Variants in CCDC92B observed in about 807,000 individuals in gnomAD.
CCDC92B encodes coiled-coil domain containing 92B, also known as coiled-coil domain-containing 92B.
A neutral mutation model predicts 5.6 loss-of-function variants in CCDC92B; 2 were observed. That is an observed-to-expected ratio of 0.36 (90% confidence interval 0.15 to 1.12). CCDC92B has a LOEUF of 1.12. Ranked by LOEUF, CCDC92B falls within the 50% of genes most tolerant of loss-of-function variation. The pLI, the probability that CCDC92B is intolerant of heterozygous loss-of-function variation, is 0.40. For missense variants in CCDC92B, 271 were observed against 262.2 expected, an observed-to-expected ratio of 1.03 and a Z score of -0.23; for synonymous variants, 115 against 122.3, an observed-to-expected ratio of 0.94 and a Z score of 0.39.
intron 2 of CCDC92B, among the ~76,000 whole-genome samples, chr17:2,731,052 A>T (rs1248241112): frequency 6.6e-6 from 1 of 152,204 alleles, no homozygotes; most frequent in African/African-American, 2.4e-5. Flanking sequence ...CCTGAACATC[A>T]GCGCTGCCCC....
rs1374036927 is a variant in CCDC92B at position 2,724,401 on chromosome 17, A to C, written c.*10T>G. 2.0e-6 allele frequency: 2 copies of C among 984,194 alleles called. No homozygotes were observed. The highest frequency in any genetic ancestry group is 2.4e-6 in the Non-Finnish European group (2 of 829,690). The allele number at this position is 984,194 out of a possible 1,614,324, so 61.0% of individuals were successfully genotyped here. ...CCGTCCGTCCCGCGTCACCCCGGCC[A>C]GCCTGGCGCCTACTCCGGGTCCCCG... On this transcript the variant is annotated 3_prime_UTR_variant, in exon 4 of 4. Coordinates refer to ENST00000614400, the MANE Select transcript of CCDC92B (RefSeq NM_001355573.2). This position sits in a 1 kb window ranked among gnomAD's most constrained non-coding sequence, Gnocchi z 5.0.
In CCDC92B at chr17:2,724,358, G is replaced by GTCCCTGGCCGGCCC. The variant is rs1042778702; in HGVS notation, c.*39_*52dup. The GTCCCTGGCCGGCCC allele has an allele frequency of 4.1e-6, 4 of 985,030 alleles. No homozygotes were observed. The Admixed American group carries it at 1.8e-4, about 45-fold the overall frequency. 61.0% of individuals were successfully genotyped at this position (985,030 alleles called of 1,614,324 possible). A position where few individuals can be genotyped will look rare whatever the true frequency, so the allele number is the denominator to read the frequency against. ...GACCTGCCTGCGGGGACCGAGCTGCGTCCCTGGCCGGCCCTCCCCGTCCGT... is the reference window on the plus strand; with the variant it reads ...GACCTGCCTGCGGGGACCGAGCTGCGTCCCTGGCCGGCCCTCCCTGGCCGGCCCTCCCCGTCCGT... On this transcript the variant is annotated 3_prime_UTR_variant, in exon 4 of 4. Coordinates refer to ENST00000614400, the MANE Select transcript of CCDC92B (RefSeq NM_001355573.2). This position sits in a 1 kb window ranked among gnomAD's most constrained non-coding sequence, Gnocchi z 5.0.
intron 1 of CCDC92B, among the ~76,000 whole-genome samples, chr17:2,735,831 G>A (rs909167756): frequency 6.6e-6 from 1 of 152,108 alleles, no homozygotes; most frequent in Non-Finnish European, 1.5e-5. Context: ...TGCTCCTCCC[G>A]CCCTAGCAGT....
At chr17:2,746,543 C>T (rs1156972643) in intron 1 of CCDC92B, among the ~76,000 whole-genome samples, 1 of 152,104 alleles carries the variant, frequency 6.6e-6, no homozygotes, top group Non-Finnish European at 1.5e-5. Flanking sequence ...TTGGGACTCT[C>T]TGAGGTCCGG....
intron 1 of CCDC92B, among the ~76,000 whole-genome samples, chr17:2,744,341 T>TTTTTTA (rs1251010388): frequency 3.9e-5 from 6 of 151,934 alleles, no homozygotes; most frequent in Non-Finnish European, 5.9e-5. Flanking sequence ...GGCCTAAATT[T>TTTTTTA]TTTTTATTTT....
At chr17:2,734,948 C>T in intron 2 of CCDC92B, 68 bp downstream of exon 2, 1 of 971,878 alleles carries the variant, frequency 1.0e-6, no homozygotes, top group Non-Finnish European at 1.2e-6. Flanking sequence ...GGGCACAACC[C>T]AGAGACAGTG....
chr17:2,746,222 T>A (rs1346324339), intron 1 of CCDC92B, among the ~76,000 whole-genome samples: 2 of 152,168 alleles, frequency 1.3e-5, no homozygotes, highest in Non-Finnish European at 2.9e-5. Context: ...CCTCAAGTGA[T>A]CCATTTGCCT....
intron 1 of CCDC92B, among the ~76,000 whole-genome samples, chr17:2,744,463 A>C (rs533833151): frequency 6.6e-6 from 1 of 152,238 alleles, no homozygotes; most frequent in East Asian, 1.9e-4. Context: ...AAGTGCTGGG[A>C]TTACAGGCAT....
At chr17:2,729,494 C>CAAA (rs34350398) in intron 3 of CCDC92B, among the ~76,000 whole-genome samples, 2,802 of 113,070 alleles carry the variant, frequency 0.025, 132 homozygotes, top group African/African-American at 0.066. Context: ...GACTCCGTCT[C>CAAA]AAAAAAAAAA....
Position 2,724,695 on chromosome 17 carries a change from C to G in CCDC92B, c.484G>C (p.Ala162Pro). The G allele has an allele frequency of 1.0e-6, 1 of 981,220 alleles. No individual in the cohort carries two copies. Among genetic ancestry groups the G allele is most frequent in the Non-Finnish European group, 1.2e-6 (1 of 828,196 alleles). 60.8% of individuals were successfully genotyped at this position (981,220 alleles called of 1,614,324 possible). A position where few individuals can be genotyped will look rare whatever the true frequency, so the allele number is the denominator to read the frequency against. ...GCGCGGCGGCGTGGCCTGGGCTCGG[C>G]GGTGGCGCCGGGGCCCGGGCGCGGG... ...QAPRPGPGAT[A>P]EPRPRRRALR... is the part of the protein sequence containing the mutation. The change falls in exon 4 of 4, where the codon GCC becomes CCC. Residue 162 changes from alanine to proline, a missense_variant. By Grantham distance (27) the Ala-to-Pro change is conservative. Transcript: ENST00000614400. The surrounding 1 kb of genome is among the most constrained non-coding windows in gnomAD (Gnocchi z 5.0).
In CCDC92B at chr17:2,727,988, C is replaced by A. The variant is rs555756032; in HGVS notation, c.178+2458G>T. On this transcript the variant is annotated intron_variant, in intron 3 of 3. Transcript: ENST00000614400. Reference sequence around the variant, plus strand: ...CTGCTACTGCACACTACAGCCTGGACAACAGAGCAAGATCCTGTCTCTAAA... The same window carrying A: ...CTGCTACTGCACACTACAGCCTGGAAAACAGAGCAAGATCCTGTCTCTAAA... Among the ~76,000 whole-genome samples the A allele has an allele frequency of 5.3e-5, 8 of 151,952 alleles. No individual in the cohort carries two copies. The South Asian group carries it at 1.7e-3, about 32-fold the overall frequency.
intron 3 of CCDC92B, among the ~76,000 whole-genome samples, chr17:2,728,998 CAAGA>C (rs1370717665): frequency 1.1e-4 from 16 of 151,942 alleles, no homozygotes; most frequent in Non-Finnish European, 2.1e-4. Flanking sequence ...CTCTTCTGGC[CAAGA>C]AAGACTTTTT....
At chr17:2,740,812 C>T (rs970419894) in intron 1 of CCDC92B, among the ~76,000 whole-genome samples, 3 of 151,518 alleles carry the variant, frequency 2.0e-5, no homozygotes, top group South Asian at 4.2e-4. Flanking sequence ...TACAAAAATA[C>T]AAAAATTAGC....
At chr17:2,732,740 A>G (rs1016834113) in intron 2 of CCDC92B, among the ~76,000 whole-genome samples, 21 of 148,996 alleles carry the variant, frequency 1.4e-4, no homozygotes, top group Non-Finnish European at 3.0e-4. Flanking sequence ...AAGGCCAGGC[A>G]CGGTGGCTCA....
chr17:2,722,784 C>G lies in CCDC92B; in HGVS notation c.*1627G>C. 6.6e-6 allele frequency: 1 copy of G among 152,642 alleles called. No homozygotes were observed. The highest frequency in any genetic ancestry group is 1.5e-5 in the Non-Finnish European group (1 of 68,380). 9.5% of individuals were successfully genotyped at this position (152,642 alleles called of 1,614,324 possible). ...GGGAGGCAAAGGCCTCTCCCTGCCC[C>G]ACGTCCTCCCCTCGAAGCCCCTGGA... On this transcript the variant is annotated 3_prime_UTR_variant, in exon 4 of 4. Coordinates refer to ENST00000614400, the MANE Select transcript of CCDC92B (RefSeq NM_001355573.2).
chr17:2,741,053 A>G (rs919133877), intron 1 of CCDC92B, among the ~76,000 whole-genome samples: 2 of 151,408 alleles, frequency 1.3e-5, no homozygotes, highest in East Asian at 1.9e-4. Flanking sequence ...TTAAGCCACT[A>G]TGTTTATGAT....
intron 1 of CCDC92B, among the ~76,000 whole-genome samples, chr17:2,745,484 G>A (rs1243685050): frequency 6.6e-6 from 1 of 152,122 alleles, no homozygotes; most frequent in Non-Finnish European, 1.5e-5. Context: ...CTTCCAACTA[G>A]GCAGGCTGCT....
At chr17:2,733,344 C>T (rs1393964836) in intron 2 of CCDC92B, among the ~76,000 whole-genome samples, 4 of 151,314 alleles carry the variant, frequency 2.6e-5, no homozygotes, top group Non-Finnish European at 5.9e-5. Flanking sequence ...ACCGCAACCT[C>T]CGCCTCCCAG....
chr17:2,732,689 C>T lies in CCDC92B; in HGVS notation c.131-2196G>A, dbSNP rs2151740202. Among the ~76,000 whole-genome samples the T allele has an allele frequency of 2.0e-5, 3 of 151,356 alleles. No homozygotes were observed. In the Admixed American group the frequency reaches 2.0e-4, roughly 10 times the overall value. On this transcript the variant is annotated intron_variant, in intron 2 of 3. Coordinates refer to ENST00000614400, the MANE Select transcript of CCDC92B (RefSeq NM_001355573.2). ...CTGAGATCGTGCCACTGTACTCCAG[C>T]CAGGGCAACAGAGCAAGACTCTGTT...
Sources: allele counts gnomAD v4.1 joint callset (sites outside exome capture counted in the v4.1 genomes callset), GRCh38; gene constraint gnomAD v4.1.1; non-coding constraint Gnocchi (gnomAD v3.1); transcripts MANE v1.5; gene names NCBI Gene and HGNC (gene_info 2026-07-23, HGNC 2026-07-21).